DHX58: variants seen among roughly 807,000 people sequenced by gnomAD.
DHX58 encodes ATP-dependent RNA helicase DHX58.
A neutral mutation model predicts 65.0 loss-of-function variants in DHX58; 51 were observed. That is an observed-to-expected ratio of 0.78 (90% CI 0.63 to 0.99). The LOEUF (loss-of-function observed/expected upper bound fraction) is 0.99, where lower values mean the gene tolerates loss of function less well. Among genes scored for constraint, DHX58 ranks in the 50% least tolerant of loss-of-function variants. The pLI is 0.00. For missense variants in DHX58, 773 were observed against 891.8 expected (o/e 0.87, Z 1.70); for synonymous variants, 350 against 365.0 (o/e 0.96, Z 0.47).
At position 42,109,387 on chromosome 17, in the gene DHX58, C is replaced by T; in HGVS notation, c.562-1G>A. On this transcript the variant is annotated splice_acceptor_variant, in intron 5 of 13. Transcript: ENST00000251642. LOFTEE classifies it high-confidence loss of function. ...ACCACGTGTCCAAGTTGGCACAGAG[C>T]TGGGGGCAACAGAGGACTTTACTGG... 1 of 1,612,602 alleles carries T rather than the reference C, an allele frequency of 6.2e-7. No homozygotes were observed. The highest frequency in any genetic ancestry group is 8.5e-7 in the Non-Finnish European group (1 of 1,179,216).
At chr17:42,107,897 C>T in intron 7 of DHX58, 85 bp downstream of exon 7, 1 of 1,589,038 alleles carries the variant, frequency 6.3e-7, no homozygotes, top group African/African-American at 1.3e-5. Context: ...TGGATAGGCC[C>T]CGCCCCAAAG....
rs1555662308 is a variant in DHX58, at chr17:42,105,012, G to A, written c.1401+6C>T. Reference sequence around the variant, plus strand: ...AGGGCGGCTGAGTGGAGGAGGATGTGAGTACCTGGACCATGGAGATTTCAT... The same window carrying A: ...AGGGCGGCTGAGTGGAGGAGGATGTAAGTACCTGGACCATGGAGATTTCAT... On this transcript the variant is annotated splice_donor_region_variant and intron_variant, in intron 10 of 13. Transcript: ENST00000251642. The A allele has an allele frequency of 6.2e-7, 1 of 1,612,338 alleles. No individual in the cohort carries two copies. The highest frequency in any genetic ancestry group is 8.5e-7 in the Non-Finnish European group (1 of 1,179,088).
In DHX58 at chr17:42,101,681, T is replaced by A; in HGVS notation, c.*80A>T. 1 of 1,540,436 alleles carries A rather than the reference T, an allele frequency of 6.5e-7. No individual in the cohort carries two copies. Among genetic ancestry groups the A allele is most frequent in the Non-Finnish European group, 8.8e-7 (1 of 1,135,462 alleles). ...GGGCCTGATGCCCACAGCTGATGAT[T>A]CAGGAAGGAGGGGCCTGGAGTCTGC... On this transcript the variant is annotated 3_prime_UTR_variant, in exon 14 of 14. Transcript: ENST00000251642.
intron 13 of DHX58, 111 bp from the exon 14 acceptor site, chr17:42,102,057 C>G (rs768087126): frequency 9.6e-5 from 140 of 1,453,348 alleles, no homozygotes; most frequent in Non-Finnish European, 1.2e-4. Flanking sequence ...CCTGAGATGT[C>G]ACAGACTGTG....
At chr17:42,107,865 C>A in intron 7 of DHX58, 70 bp from the exon 8 acceptor site, 1 of 1,546,276 alleles carries the variant, frequency 6.5e-7, no homozygotes, top group South Asian at 1.2e-5. Flanking sequence ...TAGGGCCGTC[C>A]CACTCGACTC....
intron 5 of DHX58, among the ~76,000 whole-genome samples, 183 bp downstream of exon 5, chr17:42,110,540 G>A (rs923409288): frequency 6.6e-6 from 1 of 152,222 alleles, no homozygotes; most frequent in Non-Finnish European, 1.5e-5. Flanking sequence ...CAGTAGAGTC[G>A]GGAGTTAATT....
At position 42,110,919 on chromosome 17, in the gene DHX58, G is replaced by C; in HGVS notation, c.371-6C>G. ...CACCACGATCAGGGAGAAGACTGAG[G>C]GCACAGGGGGGAAGGCTGTGACCTA... On this transcript the variant is annotated splice_polypyrimidine_tract_variant and splice_region_variant and intron_variant, in intron 4 of 13. Coordinates refer to ENST00000251642, the MANE Select transcript of DHX58 (RefSeq NM_024119.3). 1 of 1,595,808 alleles carries C rather than the reference G, an allele frequency of 6.3e-7. No homozygotes were observed. The highest frequency in any genetic ancestry group is 8.6e-7 in the Non-Finnish European group (1 of 1,168,946).
chr17:42,102,012 T>C (rs563033779), intron 13 of DHX58, 66 bp from the exon 14 acceptor site: 61 of 1,529,754 alleles, frequency 4.0e-5, no homozygotes, highest in Non-Finnish European at 5.2e-5. Context: ...TCTCCTCAAG[T>C]TGGAATTCCC....
Position 42,103,599 on chromosome 17 carries a change from A to G in DHX58, c.1754+9T>C, listed in dbSNP as rs2054009869. The G allele has an allele frequency of 6.2e-7, 1 of 1,613,870 alleles. No individual in the cohort carries two copies. On this transcript the variant is annotated intron_variant, in intron 12 of 13. Coordinates refer to ENST00000251642, the MANE Select transcript of DHX58 (RefSeq NM_024119.3). Reference sequence around the variant, plus strand: ...CCCCCATCCCAGTAGCCCCTTCCACAGGTCTCACGAGAAGTTGGGGTTCAC... The same window carrying G: ...CCCCCATCCCAGTAGCCCCTTCCACGGGTCTCACGAGAAGTTGGGGTTCAC...
At chr17:42,108,264 G>A (rs563784554) in intron 6 of DHX58, among the ~76,000 whole-genome samples, 156 bp from the exon 7 acceptor site, 1 of 152,270 alleles carries the variant, frequency 6.6e-6, no homozygotes, top group Non-Finnish European at 1.5e-5. Context: ...AGGGTGTGGG[G>A]GAGTCCTGCC....
At chr17:42,104,021 C>T (rs555663885) in intron 11 of DHX58, among the ~76,000 whole-genome samples, 37 of 152,134 alleles carry the variant, frequency 2.4e-4, no homozygotes, top group African/African-American at 8.9e-4. Context: ...GTCAGGAGTT[C>T]GAGACCAGCC....
In DHX58 at chr17:42,101,556, AT is replaced by A; in HGVS notation, c.*204del. 1.7e-6 allele frequency: 1 copy of A among 572,714 alleles called. No homozygotes were observed. Among genetic ancestry groups the A allele is most frequent in the Admixed American group, 3.3e-5 (1 of 30,294 alleles). The allele number at this position is 572,714 out of a possible 1,614,324, so 35.5% of individuals were successfully genotyped here. On this transcript the variant is annotated 3_prime_UTR_variant, in exon 14 of 14. Transcript: ENST00000251642. ...CCATCCAGTGCATATGAAAATGTCT[AT>A]GTGCGTACAAGGTAGGTCTGGACTA...
intron 12 of DHX58, chr17:42,103,228 G>A: frequency 4.2e-6 from 1 of 240,848 alleles, no homozygotes; most frequent in Non-Finnish European, 8.1e-6. Context: ...CATAATGAAT[G>A]GATGGAGGAT....
In DHX58 at chr17:42,107,584, A is replaced by T; in HGVS notation, c.997+20T>A. 1 of 1,547,640 alleles carries T rather than the reference A, an allele frequency of 6.5e-7. No homozygotes were observed. The highest frequency in any genetic ancestry group is 8.8e-7 in the Non-Finnish European group (1 of 1,142,834). Reference sequence around the variant, plus strand: ...CAGGTCCCATCATCCCCGGCCCCGAAGCCCCCTCCCGCCCCTCACCATCGA... The same window carrying T: ...CAGGTCCCATCATCCCCGGCCCCGATGCCCCCTCCCGCCCCTCACCATCGA... On this transcript the variant is annotated intron_variant, in intron 8 of 13. Coordinates refer to ENST00000251642, the MANE Select transcript of DHX58 (RefSeq NM_024119.3).
At chr17:42,105,588 G>T in intron 9 of DHX58, 148 bp downstream of exon 9, 1 of 1,448,244 alleles carries the variant, frequency 6.9e-7, no homozygotes, top group Non-Finnish European at 9.1e-7. Context: ...CTCTCCCCTA[G>T]CTCCTTGCCC....
intron 9 of DHX58, 66 bp downstream of exon 9, chr17:42,105,670 C>T: frequency 6.6e-7 from 1 of 1,503,906 alleles, no homozygotes; most frequent in South Asian, 1.3e-5. Context: ...GCTGAAGACC[C>T]TGTTCCCCGC....
chr17:42,101,619 C>A lies in DHX58; in HGVS notation c.*142G>T. On this transcript the variant is annotated 3_prime_UTR_variant, in exon 14 of 14. Coordinates refer to ENST00000251642, the MANE Select transcript of DHX58 (RefSeq NM_024119.3). Reference sequence around the variant, plus strand: ...TCCGGTTGTTTTCCCATTGCGGGAGCCTAAGCCAGGGTGCCCAGGACTCCT... The same window carrying A: ...TCCGGTTGTTTTCCCATTGCGGGAGACTAAGCCAGGGTGCCCAGGACTCCT... 8.7e-7 allele frequency: 1 copy of A among 1,154,926 alleles called. No individual in the cohort carries two copies. Among genetic ancestry groups the A allele is most frequent in the South Asian group, 1.6e-5 (1 of 63,662 alleles). The allele number at this position is 1,154,926 out of a possible 1,614,324, so 71.5% of individuals were successfully genotyped here. A position where few individuals can be genotyped will look rare whatever the true frequency, so the allele number is the denominator to read the frequency against.
intron 8 of DHX58, 138 bp downstream of exon 8, chr17:42,107,466 T>A: frequency 1.0e-6 from 1 of 1,003,910 alleles, no homozygotes; most frequent in Non-Finnish European, 1.4e-6. Flanking sequence ...TGGCCTTGGA[T>A]TTTGGTTAGA....
chr17:42,109,226 T>A, intron 6 of DHX58, 44 bp downstream of exon 6: 1 of 1,561,814 alleles, frequency 6.4e-7, no homozygotes, highest in Non-Finnish European at 8.7e-7. Context: ...GTGTCCTAAC[T>A]TCACACCGGC....
Sources: gnomAD v4.1 joint callset for allele counts (sites outside exome capture counted in the v4.1 genomes callset) on GRCh38, gnomAD v4.1.1 for gene constraint, MANE v1.5 for transcripts, NCBI Gene and HGNC (gene_info 2026-07-23, HGNC 2026-07-21) for gene names.